The following NRG1 variants were observed in gnomAD, a reference collection of about 807,000 sequenced individuals.
The protein encoded by NRG1 is pro-neuregulin-1, membrane-bound isoform.
In NRG1, 18 loss-of-function variants were observed where a neutral mutation model predicts 63.8. The ratio of observed to expected loss-of-function variants is 0.28; its 90% CI spans 0.19 to 0.42. NRG1 has a LOEUF of 0.42. Ranked by LOEUF, NRG1 falls within the 10% of genes least tolerant of loss-of-function variation. NRG1 has a pLI of 1.00. For missense variants in NRG1, 762 were observed against 814.7 expected, an observed-to-expected ratio of 0.94 and a Z score of 0.79; for synonymous variants, 302 against 301.3, an observed-to-expected ratio of 1.00 and a Z score of -0.02.
At chr8:32,238,373 C>T (rs1023773262) in intron 1 of NRG1, among the ~76,000 whole-genome samples, 18 of 151,146 alleles carry the variant, frequency 1.2e-4, no homozygotes, top group African/African-American at 3.4e-4. Context: ...GCAGGAGAAT[C>T]GCTTGAACAT....
chr8:32,513,505 G>A (rs915918505), intron 1 of NRG1, among the ~76,000 whole-genome samples: 2 of 151,960 alleles, frequency 1.3e-5, no homozygotes, highest in Non-Finnish European at 2.9e-5. Context: ...TTATAGATAT[G>A]CCTCCTTGGG....
At chr8:31,853,786 A>G (rs1827525026) in intron 1 of NRG1, among the ~76,000 whole-genome samples, 1 of 152,018 alleles carries the variant, frequency 6.6e-6, no homozygotes, top group Non-Finnish European at 1.5e-5. Flanking sequence ...AATATGTCCC[A>G]TCGATACCTA....
intron 5 of NRG1, chr8:32,721,784 C>T: frequency 8.1e-7 from 1 of 1,232,160 alleles, no homozygotes; most frequent in East Asian, 3.1e-5. Context: ...ACTAATGACT[C>T]CACCTATCAT....
intron 1 of NRG1, among the ~76,000 whole-genome samples, chr8:32,412,620 A>G (rs1423386679): frequency 6.6e-6 from 1 of 151,738 alleles, no homozygotes; most frequent in African/African-American, 2.4e-5. Context: ...TTCTTACACA[A>G]ACCTGGATGG....
chr8:32,435,697 T>A (rs953401442), intron 1 of NRG1, among the ~76,000 whole-genome samples: 4 of 152,146 alleles, frequency 2.6e-5, no homozygotes, highest in African/African-American at 7.2e-5. Flanking sequence ...CCAGGCAATA[T>A]TTTTTAGCAT....
chr8:32,070,456 T>C (rs1825587786), intron 1 of NRG1, among the ~76,000 whole-genome samples: 1 of 152,224 alleles, frequency 6.6e-6, no homozygotes, highest in Admixed American at 6.5e-5. Context: ...GCCATAATTG[T>C]TTTAACAAAT....
At chr8:31,950,154 A>T (rs562362102) in intron 1 of NRG1, among the ~76,000 whole-genome samples, 1 of 152,248 alleles carries the variant, frequency 6.6e-6, no homozygotes, top group East Asian at 1.9e-4. Context: ...TACTCTAGGC[A>T]AGACCCAAGA....
At chr8:31,779,928 G>A (rs1360796482) in intron 1 of NRG1, among the ~76,000 whole-genome samples, 1 of 152,194 alleles carries the variant, frequency 6.6e-6, no homozygotes. Context: ...ATTCTTGCTA[G>A]TGCAATATAC....
chr8:32,433,313 G>C (rs1319573282), intron 1 of NRG1, among the ~76,000 whole-genome samples: 1 of 152,102 alleles, frequency 6.6e-6, no homozygotes, highest in Non-Finnish European at 1.5e-5. Flanking sequence ...TTAGCAAAGA[G>C]GTGACAGAAT....
chr8:32,087,120 A>G (rs1188828410), intron 1 of NRG1, among the ~76,000 whole-genome samples: 3 of 152,096 alleles, frequency 2.0e-5, no homozygotes, highest in African/African-American at 7.2e-5. Flanking sequence ...CCTCATTGAT[A>G]ATGGTTTGGA....
At chr8:32,424,801 C>T (rs772673162) in intron 1 of NRG1, among the ~76,000 whole-genome samples, 6 of 152,118 alleles carry the variant, frequency 3.9e-5, no homozygotes, top group Middle Eastern at 6.8e-3. Context: ...GTCAAGGCTG[C>T]GGTGAGCTAT....
intron 1 of NRG1, among the ~76,000 whole-genome samples, chr8:31,728,133 A>G (rs1813638141): frequency 1.3e-5 from 2 of 152,168 alleles, no homozygotes; most frequent in South Asian, 4.1e-4. Flanking sequence ...AACTGAAACC[A>G]TGAGAAGTGA....
intron 1 of NRG1, among the ~76,000 whole-genome samples, chr8:32,335,808 G>A (rs1002158202): frequency 5.3e-5 from 8 of 152,050 alleles, no homozygotes; most frequent in African/African-American, 1.2e-4. Flanking sequence ...AACATAGGCC[G>A]TCTCCTCGCT....
intron 1 of NRG1, among the ~76,000 whole-genome samples, chr8:31,857,263 G>A (rs1267702996): frequency 6.6e-6 from 1 of 152,242 alleles, no homozygotes; most frequent in Non-Finnish European, 1.5e-5. Flanking sequence ...CAATCAGCAA[G>A]ACTCCGTGGG....
At position 32,412,453 on chromosome 8, in the gene NRG1, CAT is replaced by C. The variant is rs368054524; in HGVS notation, c.38-183354_38-183353del. On this transcript the variant is annotated intron_variant, in intron 1 of 10. Transcript: ENST00000519301. ...ATATATATATATATATATATATATA[CAT>C]ATATATATATATATATATATGAACA... 5.1e-3 allele frequency among the ~76,000 whole-genome samples: 389 copies of C among 76,748 alleles called. 13 individuals carry two copies. The highest frequency in any genetic ancestry group is 0.019 in the African/African-American group (368 of 19,752). The allele number at this position is 76,748 out of a possible 152,430, so 50.3% of individuals were successfully genotyped here. A position where few individuals can be genotyped will look rare whatever the true frequency, so the allele number is the denominator to read the frequency against.
In NRG1 at chr8:32,747,988, T is replaced by G. The variant is rs574116286; in HGVS notation, c.691+5255T>G. On this transcript the variant is annotated intron_variant, in intron 7 of 11. Transcript: ENST00000356819. ...AGGCATGCCCAGTGAGGCATGTGTTTGCATAAGAAATATTTTGTTAATGAA... is the reference window on the plus strand; with the variant it reads ...AGGCATGCCCAGTGAGGCATGTGTTGGCATAAGAAATATTTTGTTAATGAA... Among the ~76,000 whole-genome samples, 8 of 152,110 alleles carry G rather than the reference T, an allele frequency of 5.3e-5. No individual in the cohort carries two copies. In the South Asian group the frequency reaches 1.4e-3, roughly 28 times the overall value.
intron 6 of NRG1, among the ~76,000 whole-genome samples, chr8:32,729,616 T>C (rs936257991): frequency 6.6e-6 from 1 of 152,094 alleles, no homozygotes; most frequent in Non-Finnish European, 1.5e-5. Flanking sequence ...ATTAGCAAAA[T>C]GAAAAAGGCA....
chr8:32,755,261 C>T (rs1382747078), intron 8 of NRG1, among the ~76,000 whole-genome samples: 9 of 152,138 alleles, frequency 5.9e-5, no homozygotes. Flanking sequence ...TTCTCTCCTA[C>T]ATATAACTTA....
At chr8:32,772,418 C>T (rs1415858357), downstream of NRG1, among the ~76,000 whole-genome samples, 1 of 151,970 alleles carries the variant, frequency 6.6e-6, no homozygotes, top group African/African-American at 2.4e-5. Flanking sequence ...ACTTTCTGTT[C>T]CTTATCCTTC....
Sources: allele counts gnomAD v4.1 joint callset (sites outside exome capture counted in the v4.1 genomes callset), GRCh38; gene constraint gnomAD v4.1.1; transcripts MANE v1.5; gene names NCBI Gene and HGNC (gene_info 2026-07-23, HGNC 2026-07-21).